VPS8: variants seen among roughly 807,000 people sequenced by gnomAD.
VPS8 encodes vacuolar protein sorting-associated protein 8 homolog.
VPS8 carries 129 observed loss-of-function variants against 216.4 expected under a neutral mutation model. The observed-to-expected ratio is 0.60, with a 90% CI of 0.52 to 0.69. The LOEUF (loss-of-function observed/expected upper bound fraction) is 0.69, where lower values mean the gene tolerates loss of function less well. VPS8 is among the 30% of genes least tolerant of loss of function. VPS8 has a pLI of 0.00. For missense variants in VPS8, 1,531 were observed against 1,683.5 expected (o/e 0.91, Z 1.59); for synonymous variants, 571 against 565.4 (o/e 1.01, Z -0.14).
At chr3:185,014,806 T>C (rs981234234) in intron 45 of VPS8, among the ~76,000 whole-genome samples, 23 of 152,184 alleles carry the variant, frequency 1.5e-4, no homozygotes, top group African/African-American at 5.5e-4. Context: ...ATATTCCATG[T>C]AGAGAAAAAT....
chr3:184,861,652 G>A (rs1233630169), intron 15 of VPS8, among the ~76,000 whole-genome samples: 4 of 152,150 alleles, frequency 2.6e-5, no homozygotes, highest in Non-Finnish European at 2.9e-5. Context: ...CTGCAGAAGT[G>A]TATGTGACCA....
At chr3:184,898,050 T>A (rs1733833731) in intron 23 of VPS8, among the ~76,000 whole-genome samples, 1 of 152,082 alleles carries the variant, frequency 6.6e-6, no homozygotes, top group Admixed American at 6.6e-5. Flanking sequence ...ACCAGTTAGG[T>A]TAATAGCACT....
intron 7 of VPS8, 44 bp from the exon 8 acceptor site, chr3:184,843,196 G>C: frequency 1.4e-6 from 2 of 1,394,092 alleles, no homozygotes; most frequent in Non-Finnish European, 1.9e-6. Flanking sequence ...CTGATTTCTT[G>C]CTTTTCTTTA....
At chr3:185,029,094 A>G (rs760818651) in intron 46 of VPS8, among the ~76,000 whole-genome samples, 3 of 152,210 alleles carry the variant, frequency 2.0e-5, no homozygotes, top group Non-Finnish European at 2.9e-5. Flanking sequence ...CTGAAGATCA[A>G]TGTGAAACTC....
At chr3:184,894,150 A>G (rs921896539) in intron 22 of VPS8, among the ~76,000 whole-genome samples, 8 of 152,186 alleles carry the variant, frequency 5.3e-5, no homozygotes, top group Admixed American at 2.6e-4. Context: ...TCACTAGCCA[A>G]ACATTTTGGG....
chr3:184,878,525 A>G (rs1177005574), intron 21 of VPS8, among the ~76,000 whole-genome samples: 2 of 152,216 alleles, frequency 1.3e-5, no homozygotes, highest in Non-Finnish European at 2.9e-5. Flanking sequence ...CTGTAGGCAT[A>G]TATTTTTGCA....
At chr3:184,884,024 G>C (rs530180677) in intron 21 of VPS8, among the ~76,000 whole-genome samples, 27 of 152,154 alleles carry the variant, frequency 1.8e-4, no homozygotes, top group Middle Eastern at 6.8e-3. Context: ...TGATCTCTGG[G>C]GAGTTTTTGA....
At position 184,953,499 on chromosome 3, in the gene VPS8, C is replaced by G. The variant is rs191044211; in HGVS notation, c.3036-3875C>G. ...AGGTTTGGCTTGTGGGCGTGACTCT[C>G]TTCAGACCCTTTAGGAAGCAATCTA... On this transcript the variant is annotated intron_variant, in intron 36 of 47. Transcript: ENST00000625842. Among the ~76,000 whole-genome samples the G allele has an allele frequency of 2.6e-4, 39 of 152,254 alleles. 1 individual carries two copies. In the East Asian group the frequency reaches 7.5e-3, roughly 29 times the overall value.
chr3:184,875,757 C>T (rs536844088), intron 21 of VPS8, among the ~76,000 whole-genome samples: 19 of 146,570 alleles, frequency 1.3e-4, no homozygotes, highest in South Asian at 2.2e-4. Flanking sequence ...GAGGCTGAGG[C>T]GGGTGGATCA....
chr3:184,924,960 A>C lies in VPS8; in HGVS notation c.2553A>C (p.Val851=). The C allele has an allele frequency of 1.2e-6, 2 of 1,613,758 alleles. No homozygotes were observed. Among genetic ancestry groups the C allele is most frequent in the Non-Finnish European group, 1.7e-6 (2 of 1,179,802 alleles). ...QLAKPDNTLF[V]NRTLFDQVLE... ...CAAAGCCTGACAACACCTTGTTTGT[A>C]AACAGAACACTTTTTGATCAGGTAA... Residue 851 remains valine, a synonymous_variant, in exon 30 of 48, where the codon GTA becomes GTC. Coordinates refer to ENST00000625842, the MANE Select transcript of VPS8 (RefSeq NM_001009921.3).
intron 11 of VPS8, 83 bp downstream of exon 11, chr3:184,852,650 GA>G (rs1724530265): frequency 2.3e-6 from 3 of 1,304,472 alleles, no homozygotes; most frequent in Non-Finnish European, 1.1e-6. Flanking sequence ...AAGAGGACTA[GA>G]AAGCCCCTGT....
Position 184,834,807 on chromosome 3 carries a change from C to A in VPS8, c.447+65C>A, listed in dbSNP as rs1439265020. On this transcript the variant is annotated intron_variant, in intron 5 of 47. Coordinates refer to ENST00000625842, the MANE Select transcript of VPS8 (RefSeq NM_001009921.3). Reference sequence around the variant, plus strand: ...AATGGCATAATGAAGTAGGAATGAGCATAGAACAAAATACAGCACTTCTCT... The same window carrying A: ...AATGGCATAATGAAGTAGGAATGAGAATAGAACAAAATACAGCACTTCTCT... 5 of 1,301,398 alleles carry A rather than the reference C, an allele frequency of 3.8e-6. No homozygotes were observed. In the East Asian group the frequency reaches 1.3e-4, roughly 33 times the overall value. 80.6% of individuals were successfully genotyped at this position (1,301,398 alleles called of 1,614,324 possible). A position where few individuals can be genotyped will look rare whatever the true frequency, so the allele number is the denominator to read the frequency against.
At chr3:184,837,822 G>T (rs6800857) in intron 5 of VPS8, among the ~76,000 whole-genome samples, 3,216 of 152,286 alleles carry the variant, frequency 0.021, 122 homozygotes, top group African/African-American at 0.074. Context: ...ATGTAGTTCT[G>T]CCACTTACCA....
At chr3:184,838,087 C>G (rs979116922) in intron 5 of VPS8, among the ~76,000 whole-genome samples, 1 of 152,192 alleles carries the variant, frequency 6.6e-6, no homozygotes, top group Non-Finnish European at 1.5e-5. Flanking sequence ...ATCCTCAGGA[C>G]AGCTCACTGA....
At chr3:184,856,066 T>C (rs1725196650) in intron 14 of VPS8, among the ~76,000 whole-genome samples, 1 of 152,224 alleles carries the variant, frequency 6.6e-6, no homozygotes, top group Non-Finnish European at 1.5e-5. Context: ...TATATGTAAA[T>C]GTATAAAGAT....
intron 1 of VPS8, among the ~76,000 whole-genome samples, chr3:184,820,600 T>G (rs1469518031): frequency 2.6e-5 from 4 of 152,198 alleles, no homozygotes; most frequent in African/African-American, 9.6e-5. Context: ...AGGTACTTTC[T>G]GAAAAATTCA....
At chr3:184,926,212 A>G (rs995450897) in intron 30 of VPS8, among the ~76,000 whole-genome samples, 2 of 151,296 alleles carry the variant, frequency 1.3e-5, no homozygotes, top group South Asian at 4.2e-4. Flanking sequence ...CGTCTCTACT[A>G]AAAAAATACA....
chr3:184,963,333 A>C (rs1322006853), intron 37 of VPS8, among the ~76,000 whole-genome samples: 3 of 152,128 alleles, frequency 2.0e-5, no homozygotes, highest in Non-Finnish European at 4.4e-5. Flanking sequence ...TATGCCTTTT[A>C]AACTGCCTTT....
intron 28 of VPS8, chr3:184,918,922 C>T (rs1738106454): frequency 6.6e-6 from 1 of 152,144 alleles, no homozygotes. Flanking sequence ...ACATATACAT[C>T]AGAATAACTT....
Sources: gnomAD v4.1 joint callset for allele counts (sites outside exome capture counted in the v4.1 genomes callset) on GRCh38, gnomAD v4.1.1 for gene constraint, MANE v1.5 for transcripts, NCBI Gene and HGNC (gene_info 2026-07-23, HGNC 2026-07-21) for gene names.